The following CDC45 variants were observed in gnomAD, a reference collection of about 807,000 sequenced individuals.
CDC45 encodes cell division control protein 45 homolog.
A neutral mutation model predicts 77.8 loss-of-function variants in CDC45; 54 were observed. The ratio of observed to expected loss-of-function variants is 0.69; its 90% confidence interval spans 0.56 to 0.87. The LOEUF is 0.87. CDC45 is among the 40% of genes least tolerant of loss of function. CDC45 has a pLI of 0.00. For synonymous variants in CDC45, 260 were observed against 272.1 expected (o/e 0.96, Z 0.44); for missense variants, 649 against 721.6 (o/e 0.90, Z 1.15).
chr22:19,496,830 T>A (rs1204514002), intron 7 of CDC45, among the ~76,000 whole-genome samples: 1 of 152,152 alleles, frequency 6.6e-6, no homozygotes, highest in Non-Finnish European at 1.5e-5. Context: ...ACCCTCTGCT[T>A]ATGGGAGTTA....
intron 6 of CDC45, among the ~76,000 whole-genome samples, chr22:19,494,776 G>A (rs2090213428): frequency 6.6e-6 from 1 of 152,194 alleles, no homozygotes; most frequent in African/African-American, 2.4e-5. Context: ...GTGGGTCCCG[G>A]GGGAAGCCCT....
At chr22:19,513,814 G>A (rs540338425) in intron 13 of CDC45, among the ~76,000 whole-genome samples, 19 of 152,066 alleles carry the variant, frequency 1.2e-4, no homozygotes, top group Non-Finnish European at 2.5e-4. Context: ...GAAAACATCC[G>A]TGTTTTTTAT....
chr22:19,490,701 G>C (rs1406657094), intron 5 of CDC45, among the ~76,000 whole-genome samples: 3 of 151,878 alleles, frequency 2.0e-5, no homozygotes, highest in African/African-American at 7.3e-5. Flanking sequence ...TCTAGTGTTT[G>C]TGAGTCTATC....
chr22:19,482,810 G>A lies in CDC45; in HGVS notation c.325G>A (p.Val109Ile). The change falls in exon 4 of 19, where the codon GTA (valine) becomes ATA (isoleucine). Residue 109 changes from valine (V) to isoleucine (I), a missense_variant. Physicochemically the swap from Val to Ile is conservative, Grantham distance 29. Coordinates refer to ENST00000263201, the MANE Select transcript of CDC45 (RefSeq NM_003504.5). ...CCATAGGCCAGTCAATGTCGTCAAT[G>A]TATACAACGATACCCAGGTACTTTT... Reference protein sequence around the residue: ...DTHRPVNVVNVYNDTQIKLLI... With the variant: ...DTHRPVNVVNIYNDTQIKLLI... The A allele has an allele frequency of 3.1e-6, 5 of 1,614,074 alleles. No homozygotes were observed. Among genetic ancestry groups the A allele is most frequent in the Non-Finnish European group, 4.2e-6 (5 of 1,179,944 alleles).
At chr22:19,486,868 G>A (rs1350214028) in intron 5 of CDC45, among the ~76,000 whole-genome samples, 1 of 152,068 alleles carries the variant, frequency 6.6e-6, no homozygotes, top group African/African-American at 2.4e-5. Flanking sequence ...AGTAGAGACG[G>A]GGTTTCACCG....
At chr22:19,511,514 G>A (rs1249289814) in intron 13 of CDC45, among the ~76,000 whole-genome samples, 1 of 151,906 alleles carries the variant, frequency 6.6e-6, no homozygotes, top group African/African-American at 2.4e-5. Flanking sequence ...ATTTTTAGTA[G>A]AGATGAGATC....
At chr22:19,504,446 T>G (rs867022491) in intron 9 of CDC45, among the ~76,000 whole-genome samples, 5 of 152,280 alleles carry the variant, frequency 3.3e-5, no homozygotes, top group Middle Eastern at 6.8e-3. Flanking sequence ...ATTACCAGTA[T>G]GCAGCAACAC....
chr22:19,498,831 G>A (rs564589160), intron 8 of CDC45, among the ~76,000 whole-genome samples: 4 of 152,172 alleles, frequency 2.6e-5, no homozygotes, highest in South Asian at 2.1e-4. Flanking sequence ...TATTATAGCT[G>A]CCATGGCTCT....
At position 19,509,373 on chromosome 22, in the gene CDC45, G is replaced by A. The variant is rs185906765; in HGVS notation, c.1217+682G>A. 1.1e-4 allele frequency among the ~76,000 whole-genome samples: 17 copies of A among 152,340 alleles called. No individual in the cohort carries two copies. In the East Asian group the frequency reaches 1.2e-3, roughly 10 times the overall value. ...TCAGAGACTCAGAGCCAGAGTTGGC[G>A]TCAGTTCAGTGGTGAAGATGCATTA... is the stretch of plus-strand genomic sequence containing the variant. On this transcript the variant is annotated intron_variant, in intron 13 of 18. Coordinates refer to ENST00000263201, the MANE Select transcript of CDC45 (RefSeq NM_003504.5).
chr22:19,496,731 C>G (rs373483197), intron 7 of CDC45, among the ~76,000 whole-genome samples: 25 of 152,274 alleles, frequency 1.6e-4, no homozygotes, highest in African/African-American at 6.0e-4. Context: ...AATTCTCTCC[C>G]TGGAGGAAGC....
Position 19,497,552 on chromosome 22 carries a change from C to T in CDC45, c.653+105C>T, listed in dbSNP as rs1201580532. 1.3e-5 allele frequency: 12 copies of T among 924,088 alleles called. No individual in the cohort carries two copies. In the Admixed American group the frequency reaches 1.8e-4, roughly 14 times the overall value. The allele number at this position is 924,088 out of a possible 1,614,324, so 57.2% of individuals were successfully genotyped here. On this transcript the variant is annotated intron_variant, in intron 8 of 18. Coordinates refer to ENST00000263201, the MANE Select transcript of CDC45 (RefSeq NM_003504.5). ...GGGAGGGTGTTTCCCTTGTCCCCACCAGGAGTGTCAGATGCAGCCCCTTTC... is the reference window on the plus strand; with the variant it reads ...GGGAGGGTGTTTCCCTTGTCCCCACTAGGAGTGTCAGATGCAGCCCCTTTC...
At chr22:19,487,311 AG>A (rs766014678) in intron 5 of CDC45, among the ~76,000 whole-genome samples, 6 of 149,818 alleles carry the variant, frequency 4.0e-5, no homozygotes, top group Admixed American at 6.6e-5. Flanking sequence ...AAAAAAAAAA[AG>A]AAATATTTAT....
intron 6 of CDC45, among the ~76,000 whole-genome samples, chr22:19,495,532 AAGT>A: frequency 6.6e-6 from 1 of 152,228 alleles, no homozygotes; most frequent in East Asian, 1.9e-4. Context: ...AAGAGTCAAT[AAGT>A]GGCCAGGTGT....
intron 13 of CDC45, among the ~76,000 whole-genome samples, chr22:19,512,641 C>T (rs1933578775): frequency 6.6e-6 from 1 of 152,162 alleles, no homozygotes; most frequent in South Asian, 2.1e-4. Context: ...GAGCATTTAT[C>T]CCACTCTTGT....
intron 17 of CDC45, among the ~76,000 whole-genome samples, 188 bp from the exon 18 acceptor site, chr22:19,518,656 T>C (rs1049271066): frequency 6.6e-6 from 1 of 152,216 alleles, no homozygotes; most frequent in East Asian, 1.9e-4. Context: ...TCTCTAGCAG[T>C]GCAGACAGCA....
intron 12 of CDC45, 121 bp downstream of exon 12, chr22:19,507,985 C>A: frequency 3.1e-6 from 2 of 643,604 alleles, no homozygotes; most frequent in Non-Finnish European, 2.7e-6. Flanking sequence ...TAAAATAATG[C>A]AAAAAAAACA....
chr22:19,482,792 CCAGT>C lies in CDC45; in HGVS notation c.310_313del (p.Val104MetfsTer56). 2 of 1,613,780 alleles carry C rather than the reference CCAGT, an allele frequency of 1.2e-6. No individual in the cohort carries two copies. The highest frequency in any genetic ancestry group is 1.7e-6 in the Non-Finnish European group (2 of 1,179,656). On this transcript the variant is annotated frameshift_variant, in exon 4 of 19. Transcript: ENST00000263201. LOFTEE classifies it high-confidence loss of function. ...ATTCTTTGTGTGTGACACCCATAGG[CCAGT>C]CAATGTCGTCAATGTATACAACGAT...
intron 5 of CDC45, among the ~76,000 whole-genome samples, chr22:19,487,743 T>C (rs935902592): frequency 8.6e-5 from 13 of 151,666 alleles, no homozygotes; most frequent in African/African-American, 3.2e-4. Context: ...AAACCCCATC[T>C]CTACTAAAAA....
chr22:19,479,911 A>G, upstream of CDC45: 1 of 1,594,756 alleles, frequency 6.3e-7, no homozygotes, highest in Middle Eastern at 2.1e-4. Context: ...GGGAGTCTTG[A>G]CCGCCGCCGG....
Sources: gnomAD v4.1 joint callset for allele counts (sites outside exome capture counted in the v4.1 genomes callset) on GRCh38, gnomAD v4.1.1 for gene constraint, MANE v1.5 for transcripts, NCBI Gene and HGNC (gene_info 2026-07-23, HGNC 2026-07-21) for gene names.